Variants in CDC20B observed in about 807,000 individuals in gnomAD.
CDC20B encodes cell division cycle 20B.
Under a neutral mutation model 64.1 loss-of-function variants are expected in CDC20B, and 58 were observed. That is an observed-to-expected ratio of 0.90 (90% CI 0.73 to 1.13). The LOEUF (loss-of-function observed/expected upper bound fraction) is 1.13. Ranked by LOEUF, CDC20B falls within the 50% of genes most tolerant of loss-of-function variation. The probability of loss-of-function intolerance (pLI) is 0.00; values close to 1 mark genes in which losing one functional copy is unlikely to be tolerated. For synonymous variants in CDC20B, 243 were observed against 230.6 expected, an observed-to-expected ratio of 1.05 and a Z score of -0.49; for missense variants, 597 against 633.0, an observed-to-expected ratio of 0.94 and a Z score of 0.61.
chr5:55,148,946 G>A (rs998697415), intron 2 of CDC20B, among the ~76,000 whole-genome samples: 1 of 152,228 alleles, frequency 6.6e-6, no homozygotes, highest in African/African-American at 2.4e-5. Context: ...CACACCTGAG[G>A]CTCACCTGTC....
intron 2 of CDC20B, among the ~76,000 whole-genome samples, chr5:55,154,905 GATATGGCAAA>G (rs1743767869): frequency 6.6e-6 from 1 of 152,184 alleles, no homozygotes; most frequent in Non-Finnish European, 1.5e-5. Context: ...ACGATATACA[GATATGGCAAA>G]ATCACAGAGG....
chr5:55,144,044 C>T (rs1051124146), intron 3 of CDC20B, among the ~76,000 whole-genome samples: 1 of 148,788 alleles, frequency 6.7e-6, no homozygotes, highest in Non-Finnish European at 1.5e-5. Flanking sequence ...TGGATAGAAA[C>T]AGTTCCATAG....
intron 4 of CDC20B, 93 bp from the exon 5 acceptor site, chr5:55,140,500 TCA>T: frequency 1.1e-5 from 8 of 757,444 alleles, no homozygotes; most frequent in Non-Finnish European, 1.7e-5. Flanking sequence ...AACTGGTAAT[TCA>T]CTAAGGAGTT....
At position 55,147,369 on chromosome 5, in the gene CDC20B, GTATGT is replaced by G. The variant is rs1305113798; in HGVS notation, c.127-518_127-514del. ...ATATTTATATATTATATAAACATAA[GTATGT>G]TATGTTTTATATATTTATATTTATA... On this transcript the variant is annotated intron_variant, in intron 2 of 11. Coordinates refer to ENST00000381375, the MANE Select transcript of CDC20B (RefSeq NM_001170402.1). Among the ~76,000 whole-genome samples, 5 of 140,012 alleles carry G rather than the reference GTATGT, an allele frequency of 3.6e-5. No homozygotes were observed. In the South Asian group the frequency reaches 8.8e-4, roughly 25 times the overall value. The allele number at this position is 140,012 out of a possible 152,430, so 91.9% of individuals were successfully genotyped here.
chr5:55,120,070 G>C, intron 10 of CDC20B, 152 bp from the exon 11 acceptor site: 1 of 647,330 alleles, frequency 1.5e-6, no homozygotes, highest in Non-Finnish European at 2.7e-6. Flanking sequence ...TTCTAGGAAA[G>C]TTTATCCCAA....
At chr5:55,146,225 C>T (rs1743469475) in intron 3 of CDC20B, among the ~76,000 whole-genome samples, 2 of 152,100 alleles carry the variant, frequency 1.3e-5, no homozygotes, top group African/African-American at 4.8e-5. Context: ...CAGTCAATCA[C>T]AGGCGGCCAA....
At chr5:55,172,748 AC>A (rs1561100649) in intron 1 of CDC20B, 98 bp from the exon 2 acceptor site, 4 of 714,790 alleles carry the variant, frequency 5.6e-6, no homozygotes, top group East Asian at 3.1e-5. Context: ...GTCAGATTAC[AC>A]TTTTTTTTTT....
intron 8 of CDC20B, among the ~76,000 whole-genome samples, chr5:55,126,117 A>T (rs866883877): frequency 6.6e-5 from 10 of 152,228 alleles, no homozygotes; most frequent in African/African-American, 1.9e-4. Flanking sequence ...TACATAATTG[A>T]CTGCAATAAC....
At chr5:55,144,271 G>T (rs1400022870) in intron 3 of CDC20B, among the ~76,000 whole-genome samples, 1 of 152,118 alleles carries the variant, frequency 6.6e-6, no homozygotes, top group African/African-American at 2.4e-5. Flanking sequence ...GTAATAGAAG[G>T]GTCAATGTTA....
At chr5:55,131,485 G>A (rs950797474) in intron 6 of CDC20B, among the ~76,000 whole-genome samples, 2 of 152,120 alleles carry the variant, frequency 1.3e-5, no homozygotes, top group Admixed American at 6.5e-5. Flanking sequence ...ATGAGAAAGA[G>A]TGAACAAAAG....
intron 2 of CDC20B, among the ~76,000 whole-genome samples, chr5:55,152,717 C>T (rs930834052): frequency 2.0e-5 from 3 of 152,174 alleles, no homozygotes; most frequent in African/African-American, 7.2e-5. Context: ...CAGGTCTGCT[C>T]ATATTCCACT....
At chr5:55,143,367 A>G in intron 4 of CDC20B, 146 bp downstream of exon 4, 4 of 786,878 alleles carry the variant, frequency 5.1e-6, no homozygotes, top group Non-Finnish European at 7.4e-6. Context: ...CTCTATTCAT[A>G]TCCTTCAATT....
At chr5:55,147,464 G>T (rs577591143) in intron 2 of CDC20B, among the ~76,000 whole-genome samples, 146 of 144,112 alleles carry the variant, frequency 1.0e-3, no homozygotes, top group African/African-American at 3.4e-3. Context: ...TATATTTTAT[G>T]TTTATATTTA....
rs1182689963 is a variant in CDC20B at position 55,160,980 on chromosome 5, T to C, written c.126+11608A>G. 10 of 1,583,898 alleles carry C rather than the reference T, an allele frequency of 6.3e-6. No homozygotes were observed. In the Admixed American group the frequency reaches 1.7e-4, roughly 27 times the overall value. ...GCTTCACTTTCCGGTTGGATTTTTT[T>C]CTTTTTCCGGGAGGTTTCACTAGTT... On this transcript the variant is annotated intron_variant, in intron 2 of 11. Transcript: ENST00000381375.
chr5:55,148,137 T>C (rs1743551288), intron 2 of CDC20B, among the ~76,000 whole-genome samples: 1 of 152,156 alleles, frequency 6.6e-6, no homozygotes, highest in Non-Finnish European at 1.5e-5. Context: ...AACTGGGCCA[T>C]AGGACATTAA....
chr5:55,125,897 T>A (rs1742875842), intron 8 of CDC20B, among the ~76,000 whole-genome samples: 1 of 152,166 alleles, frequency 6.6e-6, no homozygotes, highest in African/African-American at 2.4e-5. Flanking sequence ...TTAGTTTAAT[T>A]TGAAAAAACA....
At chr5:55,161,783 G>T (rs1307723412) in intron 2 of CDC20B, among the ~76,000 whole-genome samples, 1 of 152,146 alleles carries the variant, frequency 6.6e-6, no homozygotes, top group Non-Finnish European at 1.5e-5. Flanking sequence ...AGTAGTGTTA[G>T]GCTATTTCTC....
chr5:55,156,600 G>A (rs1468948674), intron 2 of CDC20B, among the ~76,000 whole-genome samples: 9 of 152,124 alleles, frequency 5.9e-5, no homozygotes, highest in Non-Finnish European at 1.2e-4. Context: ...CACTGGCCAG[G>A]CATGGTGGCT....
intron 3 of CDC20B, among the ~76,000 whole-genome samples, chr5:55,144,747 A>C (rs1373666347): frequency 6.6e-6 from 1 of 152,224 alleles, no homozygotes; most frequent in Admixed American, 6.5e-5. Flanking sequence ...AGAGGCTAGT[A>C]CTGACAATCA....
Sources: gnomAD v4.1 joint callset for allele counts (sites outside exome capture counted in the v4.1 genomes callset) on GRCh38, gnomAD v4.1.1 for gene constraint, MANE v1.5 for transcripts, NCBI Gene and HGNC (gene_info 2026-07-23, HGNC 2026-07-21) for gene names.